Variants in ANK3 observed in about 807,000 individuals in gnomAD.
ANK3 encodes the protein ankyrin 3.
In ANK3, 57 loss-of-function variants were observed where a neutral mutation model predicts 370.9. That is an observed-to-expected ratio of 0.15 (90% CI 0.12 to 0.19). The LOEUF (loss-of-function observed/expected upper bound fraction) is 0.19. ANK3 is among the 10% of genes least tolerant of loss of function. The pLI, the probability that ANK3 is intolerant of heterozygous loss-of-function variation, is 1.00. For missense variants in ANK3, 4,439 were observed against 5,302.1 expected (o/e 0.84, Z 5.06); for synonymous variants, 1,929 against 1,946.3 (o/e 0.99, Z 0.23).
intron 2 of ANK3, among the ~76,000 whole-genome samples, chr10:60,480,367 A>C (rs1003259528): frequency 2.0e-5 from 3 of 151,782 alleles, no homozygotes; most frequent in African/African-American, 7.3e-5. Flanking sequence ...GAAGAGGAGA[A>C]TGAAACTAGA....
intron 4 of ANK3, among the ~76,000 whole-genome samples, chr10:60,276,228 T>C (rs1388816048): frequency 2.0e-5 from 3 of 152,194 alleles, no homozygotes; most frequent in Admixed American, 6.5e-5. Context: ...TAAGGGGCTC[T>C]TTTTACCCTA....
intron 21 of ANK3, among the ~76,000 whole-genome samples, chr10:60,172,036 C>T (rs888319181): frequency 6.6e-6 from 1 of 152,104 alleles, no homozygotes; most frequent in African/African-American, 2.4e-5. Context: ...TATATCAAAG[C>T]AAACAAATAA....
At chr10:60,359,026 C>T (rs1342648786) in intron 1 of ANK3, among the ~76,000 whole-genome samples, 2 of 152,062 alleles carry the variant, frequency 1.3e-5, no homozygotes, top group Non-Finnish European at 2.9e-5. Context: ...ATCTTATTGG[C>T]TTATTGTTCA....
chr10:60,615,279 A>G, intron 1 of ANK3: 15 of 1,300,976 alleles, frequency 1.2e-5, no homozygotes, highest in Non-Finnish European at 1.5e-5. Context: ...CCATATATTT[A>G]CCATGACGGT....
chr10:60,360,730 T>C (rs2058473831), intron 1 of ANK3, among the ~76,000 whole-genome samples: 1 of 152,158 alleles, frequency 6.6e-6, no homozygotes, highest in Admixed American at 6.6e-5. Context: ...TACTCTCTTT[T>C]CCTTCTAGTG....
chr10:60,620,499 C>T (rs1433157402), intron 1 of ANK3, among the ~76,000 whole-genome samples: 1 of 152,098 alleles, frequency 6.6e-6, no homozygotes, highest in Non-Finnish European at 1.5e-5. Flanking sequence ...AAGTAACTTA[C>T]CCAAAGTTAC....
chr10:60,197,722 G>A (rs1249398738), intron 14 of ANK3, among the ~76,000 whole-genome samples: 4 of 152,112 alleles, frequency 2.6e-5, no homozygotes, highest in East Asian at 1.9e-4. Flanking sequence ...TGGAAGATGC[G>A]CCACAAGCCA....
At chr10:60,461,514 G>C (rs2064883437) in intron 2 of ANK3, among the ~76,000 whole-genome samples, 1 of 152,082 alleles carries the variant, frequency 6.6e-6, no homozygotes, top group Non-Finnish European at 1.5e-5. Flanking sequence ...GACGGCCAGG[G>C]TGGGCCCAAT....
chr10:60,305,572 G>C (rs1350423969), intron 1 of ANK3, among the ~76,000 whole-genome samples: 1 of 152,160 alleles, frequency 6.6e-6, no homozygotes, highest in Middle Eastern at 3.2e-3. Flanking sequence ...ACTCCATGCT[G>C]TTACTGAGTC....
Position 60,693,328 on chromosome 10 carries a change from C to T in ANK3, c.57+39935G>A, listed in dbSNP as rs537710003. Among the ~76,000 whole-genome samples the T allele has an allele frequency of 6.9e-4, 105 of 152,324 alleles. No individual in the cohort carries two copies. The South Asian group carries it at 0.021, about 30-fold the overall frequency. On this transcript the variant is annotated intron_variant, in intron 1 of 43. Transcript: ENST00000373827. ...GGCAGCAGTGAGGCTGGGGGAGGGGCGCCCGCCATTGCCCAGGCTTGCTTA... is the reference window on the plus strand; with the variant it reads ...GGCAGCAGTGAGGCTGGGGGAGGGGTGCCCGCCATTGCCCAGGCTTGCTTA...
chr10:60,140,379 T>C lies in ANK3; in HGVS notation c.2615-1292A>G, dbSNP rs1357558740. 3.1e-6 allele frequency: 5 copies of C among 1,613,728 alleles called. No individual in the cohort carries two copies. The African/African-American group carries it at 4.0e-5, about 13-fold the overall frequency. On this transcript the variant is annotated intron_variant, in intron 23 of 43. Transcript: ENST00000280772. ...TGCGGTAAAGCCATTTCCACTAGGC[T>C]TGGATGATCAAATGTTTTCCTGATG...
At chr10:60,436,963 A>G (rs922018659) in intron 2 of ANK3, among the ~76,000 whole-genome samples, 9 of 152,188 alleles carry the variant, frequency 5.9e-5, no homozygotes, top group South Asian at 2.1e-4. Context: ...GGTCTGTCAA[A>G]TCTTCATCTA....
chr10:60,141,198 G>C (rs1011547159), intron 23 of ANK3, among the ~76,000 whole-genome samples: 13 of 152,170 alleles, frequency 8.5e-5, no homozygotes, highest in African/African-American at 2.9e-4. Context: ...TTTTTATCAG[G>C]AGTTTGAAGA....
chr10:60,733,467 C>G (rs1355322967), exon 1 of ANK3: 2 of 677,626 alleles, frequency 3.0e-6, no homozygotes, highest in Non-Finnish European at 4.1e-6. Context: ...GCCCGCCCAG[C>G]GCGGCCTATC....
intron 2 of ANK3, among the ~76,000 whole-genome samples, chr10:60,575,210 G>A (rs2077668366): frequency 6.6e-6 from 1 of 152,144 alleles, no homozygotes; most frequent in African/African-American, 2.4e-5. Context: ...TGAATTGGCA[G>A]GAAATGAATC....
chr10:60,416,772 A>C (rs2063677379), intron 2 of ANK3, among the ~76,000 whole-genome samples: 1 of 152,218 alleles, frequency 6.6e-6, no homozygotes, highest in Admixed American at 6.5e-5. Flanking sequence ...GACAGCATAG[A>C]ACATTTTTAT....
At chr10:60,200,264 C>G (rs2096651641) in intron 12 of ANK3, 37 bp from the exon 13 acceptor site, 1 of 1,506,976 alleles carries the variant, frequency 6.6e-7, no homozygotes, top group African/African-American at 1.4e-5. Flanking sequence ...AGCTGCAGCT[C>G]TGAAGAAGAG....
At chr10:60,234,839 G>A (rs906558965) in intron 7 of ANK3, 53 bp from the exon 8 acceptor site, 27 of 1,223,756 alleles carry the variant, frequency 2.2e-5, no homozygotes, top group East Asian at 4.8e-5. Flanking sequence ...TCAACAAAAC[G>A]TTCCTTTCTA....
intron 28 of ANK3, among the ~76,000 whole-genome samples, chr10:60,092,530 C>T (rs1456645800): frequency 6.6e-6 from 1 of 152,040 alleles, no homozygotes; most frequent in African/African-American, 2.4e-5. Flanking sequence ...AAATGAGCCA[C>T]CAACAGAACT....
Sources: allele counts gnomAD v4.1 joint callset (sites outside exome capture counted in the v4.1 genomes callset), GRCh38; gene constraint gnomAD v4.1.1; transcripts MANE v1.5; gene names NCBI Gene and HGNC (gene_info 2026-07-23, HGNC 2026-07-21).